AP1AR: variants seen among roughly 807,000 people sequenced by gnomAD.
The protein encoded by AP1AR is adaptor related protein complex 1 associated regulatory protein, also known as AP-1 complex-associated regulatory protein.
Under a neutral mutation model 46.3 loss-of-function variants are expected in AP1AR, and 29 were observed. That is an observed-to-expected ratio of 0.63 (90% CI 0.47 to 0.85). AP1AR has a LOEUF of 0.85. Ranked by LOEUF, AP1AR falls within the 40% of genes least tolerant of loss-of-function variation. The pLI, the probability that AP1AR is intolerant of heterozygous loss-of-function variation, is 0.00. For missense variants in AP1AR, 357 were observed against 356.3 expected (o/e 1.00, Z -0.02); for synonymous variants, 122 against 122.9 (o/e 0.99, Z 0.05).
intron 4 of AP1AR, among the ~76,000 whole-genome samples, chr4:112,258,636 C>A (rs916371127): frequency 6.6e-6 from 1 of 152,088 alleles, no homozygotes; most frequent in Non-Finnish European, 1.5e-5. Flanking sequence ...CCAGGCAGAG[C>A]AGGAGGACAT....
chr4:112,254,983 C>A (rs761197692), intron 3 of AP1AR: 52 of 267,728 alleles, frequency 1.9e-4, no homozygotes, highest in Non-Finnish European at 3.5e-4. Flanking sequence ...TTTCTTGAGA[C>A]GGAGTCTCGC....
intron 1 of AP1AR, among the ~76,000 whole-genome samples, chr4:112,235,357 A>T (rs902340504): frequency 3.3e-5 from 5 of 152,250 alleles, no homozygotes; most frequent in Non-Finnish European, 7.3e-5. Flanking sequence ...GATTCCACTT[A>T]AGATAAACTA....
At chr4:112,235,415 A>C (rs2110463077) in intron 1 of AP1AR, among the ~76,000 whole-genome samples, 1 of 152,330 alleles carries the variant, frequency 6.6e-6, no homozygotes, top group South Asian at 2.1e-4. Context: ...TCAATATGTA[A>C]CATTTGTTGG....
Position 112,241,953 on chromosome 4 carries a change from A to G in AP1AR, c.83+9779A>G, listed in dbSNP as rs146060915. On this transcript the variant is annotated intron_variant, in intron 1 of 9. Transcript: ENST00000274000. ...TTAATAGACTTTGGAACAATTTACC[A>G]TGATTCTTCATCATTTATTTATAGT... Among the ~76,000 whole-genome samples the G allele has an allele frequency of 7.2e-4, 109 of 152,322 alleles. 1 individual carries two copies. In the East Asian group the frequency reaches 0.013, roughly 18 times the overall value.
chr4:112,248,725 C>G (rs1316993585), intron 1 of AP1AR, among the ~76,000 whole-genome samples: 1 of 152,154 alleles, frequency 6.6e-6, no homozygotes, highest in Non-Finnish European at 1.5e-5. Context: ...ATATTAAAAT[C>G]TAAAACTCTT....
intron 2 of AP1AR, among the ~76,000 whole-genome samples, chr4:112,254,051 T>C (rs192654987): frequency 2.4e-4 from 36 of 152,328 alleles, no homozygotes; most frequent in African/African-American, 8.4e-4. Context: ...TTCATTGTTT[T>C]CTCTCAATCT....
chr4:112,254,645 T>C, intron 2 of AP1AR, 102 bp from the exon 3 acceptor site: 1 of 646,386 alleles, frequency 1.5e-6, no homozygotes, highest in Non-Finnish European at 2.6e-6. Flanking sequence ...CTTACAAATA[T>C]AAAGGTATAT....
chr4:112,233,204 C>T (rs1428839499), intron 1 of AP1AR, among the ~76,000 whole-genome samples: 1 of 152,118 alleles, frequency 6.6e-6, no homozygotes, highest in Non-Finnish European at 1.5e-5. Flanking sequence ...AGTAAATGAT[C>T]ATAATTTGAA....
intron 4 of AP1AR, among the ~76,000 whole-genome samples, chr4:112,260,051 G>T (rs937412114): frequency 4.6e-5 from 7 of 152,142 alleles, no homozygotes; most frequent in African/African-American, 1.7e-4. Context: ...TATATAAAAG[G>T]ACTACTGCTG....
In AP1AR at chr4:112,247,190, A is replaced by G. The variant is rs76572838; in HGVS notation, c.84-6018A>G. 6.8e-3 allele frequency among the ~76,000 whole-genome samples: 1,032 copies of G among 152,314 alleles called. 8 individuals carry two copies. Among genetic ancestry groups the G allele is most frequent in the African/African-American group, 0.023 (967 of 41,556 alleles). ...TATGTATGTATTGGTAGTAACATGA[A>G]GTGTATGTATGGGAGGGGAAAAATT... On this transcript the variant is annotated intron_variant, in intron 1 of 9. Transcript: ENST00000274000.
rs759911601 is a variant in AP1AR, at chr4:112,262,993, C to CT, written c.290dup (p.Leu97PhefsTer19). ...ATCGTTTTGTTCATGTACAGTTAGC[C>CT]TTACAAGAAGAGAAGTTAAGACTAG... On this transcript the variant is annotated frameshift_variant, in exon 6 of 10. Coordinates refer to ENST00000274000, the MANE Select transcript of AP1AR (RefSeq NM_018569.6). LOFTEE classifies it high-confidence loss of function. 4 of 1,611,896 alleles carry CT rather than the reference C, an allele frequency of 2.5e-6. No individual in the cohort carries two copies.
At position 112,252,070 on chromosome 4, in the gene AP1AR, G is replaced by A. The variant is rs368036050; in HGVS notation, c.84-1138G>A. Among the ~76,000 whole-genome samples, 7 of 151,976 alleles carry A rather than the reference G, an allele frequency of 4.6e-5. No homozygotes were observed. The East Asian group carries it at 9.6e-4, about 21-fold the overall frequency. ...CCAGGCTGGGTAACATTGAGACCTC[G>A]TCTCTACAAAAAAATAAGTGAAGCC... On this transcript the variant is annotated intron_variant, in intron 1 of 9. Coordinates refer to ENST00000274000, the MANE Select transcript of AP1AR (RefSeq NM_018569.6).
At chr4:112,262,296 C>T (rs1373867774) in intron 5 of AP1AR, among the ~76,000 whole-genome samples, 1 of 152,142 alleles carries the variant, frequency 6.6e-6, no homozygotes, top group Non-Finnish European at 1.5e-5. Flanking sequence ...GACAGAATAA[C>T]ACCCTGTCTC....
chr4:112,247,781 A>G (rs945842992), intron 1 of AP1AR, among the ~76,000 whole-genome samples: 4 of 152,220 alleles, frequency 2.6e-5, no homozygotes, highest in African/African-American at 4.8e-5. Flanking sequence ...TGTTACAGCT[A>G]ATAGATTCTT....
At chr4:112,234,052 G>T (rs1160288915) in intron 1 of AP1AR, among the ~76,000 whole-genome samples, 4 of 152,120 alleles carry the variant, frequency 2.6e-5, no homozygotes, top group Non-Finnish European at 5.9e-5. Flanking sequence ...GTAGAGACCG[G>T]GTTTCACCCT....
chr4:112,247,843 A>G (rs2110475176), intron 1 of AP1AR, among the ~76,000 whole-genome samples: 1 of 152,362 alleles, frequency 6.6e-6, no homozygotes. Flanking sequence ...TAGTGAAATA[A>G]TGGAACTGAG....
intron 1 of AP1AR, among the ~76,000 whole-genome samples, chr4:112,249,009 T>C (rs1725838083): frequency 6.6e-6 from 1 of 152,148 alleles, no homozygotes; most frequent in South Asian, 2.1e-4. Flanking sequence ...AATAACCTCC[T>C]GTTCCGGGTG....
At chr4:112,234,613 A>C (rs1411144829) in intron 1 of AP1AR, among the ~76,000 whole-genome samples, 1 of 151,734 alleles carries the variant, frequency 6.6e-6, no homozygotes, top group African/African-American at 2.4e-5. Flanking sequence ...ATGTAGAGAC[A>C]GATGGATATA....
chr4:112,246,772 A>G (rs1387781163), intron 1 of AP1AR, among the ~76,000 whole-genome samples: 5 of 152,228 alleles, frequency 3.3e-5, no homozygotes, highest in Non-Finnish European at 5.9e-5. Flanking sequence ...TACAATTCAA[A>G]TAACCCATCA....
Sources: gnomAD v4.1 joint callset for allele counts (sites outside exome capture counted in the v4.1 genomes callset) on GRCh38, gnomAD v4.1.1 for gene constraint, MANE v1.5 for transcripts, NCBI Gene and HGNC (gene_info 2026-07-23, HGNC 2026-07-21) for gene names.